Variants in KIF21A observed in about 807,000 individuals in gnomAD.
KIF21A encodes the protein kinesin family member 21A.
A neutral mutation model predicts 202.9 loss-of-function variants in KIF21A; 114 were observed. That is an observed-to-expected ratio of 0.56 (90% confidence interval 0.48 to 0.66). KIF21A has a LOEUF of 0.66. KIF21A is among the 30% of genes least tolerant of loss of function. The pLI, the probability that KIF21A is intolerant of heterozygous loss-of-function variation, is 0.00. For missense variants in KIF21A, 1,677 were observed against 1,994.9 expected (o/e 0.84, Z 3.04); for synonymous variants, 667 against 670.8 (o/e 0.99, Z 0.09).
At chr12:39,373,307 T>A (rs958101432) in intron 1 of KIF21A, among the ~76,000 whole-genome samples, 4 of 152,116 alleles carry the variant, frequency 2.6e-5, no homozygotes, top group African/African-American at 9.7e-5. Flanking sequence ...CTTACATTAT[T>A]CCCTTTTCCT....
chr12:39,440,474 T>G (rs1939411862), intron 1 of KIF21A, among the ~76,000 whole-genome samples: 1 of 152,176 alleles, frequency 6.6e-6, no homozygotes, highest in Non-Finnish European at 1.5e-5. Context: ...AATAAGACTT[T>G]ACATGAGATA....
At chr12:39,360,151 T>C (rs751010879) in intron 7 of KIF21A, among the ~76,000 whole-genome samples, 41 of 151,844 alleles carry the variant, frequency 2.7e-4, no homozygotes, top group Non-Finnish European at 5.3e-4. Flanking sequence ...AAACCCAAAA[T>C]ATATAAATTT....
intron 1 of KIF21A, among the ~76,000 whole-genome samples, chr12:39,381,322 A>AC (rs1356668138): frequency 2.0e-5 from 3 of 151,858 alleles, no homozygotes; most frequent in African/African-American, 7.3e-5. Context: ...AAAAAAAAAA[A>AC]AAACTATTTC....
At chr12:39,314,154 G>A (rs1944293273) in intron 31 of KIF21A, among the ~76,000 whole-genome samples, 2 of 151,782 alleles carry the variant, frequency 1.3e-5, no homozygotes, top group Admixed American at 1.3e-4. Context: ...TATTTTTAGA[G>A]TCTGGTTATA....
At chr12:39,342,267 T>C (rs1190535454) in intron 12 of KIF21A, 143 bp from the exon 13 acceptor site, 2 of 672,576 alleles carry the variant, frequency 3.0e-6, no homozygotes, top group Non-Finnish European at 5.3e-6. Context: ...AGCTATTCTA[T>C]CTGATGCTTC....
chr12:39,348,762 AACTC>A (rs1948115501), intron 11 of KIF21A, among the ~76,000 whole-genome samples: 1 of 151,984 alleles, frequency 6.6e-6, no homozygotes, highest in African/African-American at 2.4e-5. Context: ...AGGTTTTAGA[AACTC>A]ACAGCCACAA....
At chr12:39,436,117 G>C (rs191684053) in intron 1 of KIF21A, among the ~76,000 whole-genome samples, 5 of 152,090 alleles carry the variant, frequency 3.3e-5, no homozygotes, top group Non-Finnish European at 5.9e-5. Context: ...GACAGTGAGC[G>C]ACCTTATCTA....
At chr12:39,326,416 A>G (rs777438518) in intron 24 of KIF21A, 92 bp from the exon 25 acceptor site, 1 of 818,490 alleles carries the variant, frequency 1.2e-6, no homozygotes, top group South Asian at 1.4e-5. Context: ...CAACAGCTCA[A>G]CATCTCAATA....
chr12:39,360,255 T>A (rs1324584554), intron 7 of KIF21A, among the ~76,000 whole-genome samples: 5 of 152,118 alleles, frequency 3.3e-5, no homozygotes, highest in Admixed American at 3.3e-4. Flanking sequence ...AAGCACACAA[T>A]TCTGCTTTAA....
chr12:39,382,519 G>A (rs764931837), intron 1 of KIF21A, among the ~76,000 whole-genome samples: 8 of 151,896 alleles, frequency 5.3e-5, no homozygotes, highest in Admixed American at 1.3e-4. Flanking sequence ...TAATTTCTCC[G>A]GTCAACATGA....
intron 1 of KIF21A, among the ~76,000 whole-genome samples, chr12:39,427,588 T>C (rs1005257418): frequency 6.6e-6 from 1 of 152,234 alleles, no homozygotes; most frequent in African/African-American, 2.4e-5. Context: ...AATTATGCAA[T>C]GTGCAAATAA....
chr12:39,443,052 A>T lies in KIF21A; in HGVS notation c.-82T>A. ...CACTGGGGCCGCGGGACTCGGGCGC[A>T]GTAGGCTGGGGCGTCTGCGGGCGGG... On this transcript the variant is annotated 5_prime_UTR_variant, in exon 1 of 38. Transcript: ENST00000361418. 1 of 1,434,708 alleles carries T rather than the reference A, an allele frequency of 7.0e-7. No homozygotes were observed. The highest frequency in any genetic ancestry group is 9.2e-7 in the Non-Finnish European group (1 of 1,085,526). 88.9% of individuals were successfully genotyped at this position (1,434,708 alleles called of 1,614,324 possible).
chr12:39,390,760 A>T (rs1951290100), intron 1 of KIF21A, among the ~76,000 whole-genome samples: 1 of 152,198 alleles, frequency 6.6e-6, no homozygotes, highest in African/African-American at 2.4e-5. Context: ...AAAAAACAAC[A>T]ATATATGTCA....
intron 36 of KIF21A, 146 bp from the exon 37 acceptor site, chr12:39,301,825 T>C (rs1942987994): frequency 1.4e-6 from 1 of 717,788 alleles, no homozygotes; most frequent in African/African-American, 1.8e-5. Flanking sequence ...CAATCACTCT[T>C]AGTGATTTAA....
At chr12:39,380,796 T>G (rs1420802869) in intron 1 of KIF21A, among the ~76,000 whole-genome samples, 1 of 152,070 alleles carries the variant, frequency 6.6e-6, no homozygotes, top group Non-Finnish European at 1.5e-5. Context: ...AAAGGGAAAA[T>G]GTAATCTCAG....
chr12:39,400,925 G>T (rs755405433), intron 1 of KIF21A, among the ~76,000 whole-genome samples: 1 of 152,144 alleles, frequency 6.6e-6, no homozygotes, highest in Non-Finnish European at 1.5e-5. Context: ...TTCTGCTCAG[G>T]TTTCACAAAG....
At chr12:39,312,084 T>TA (rs1433001019) in intron 31 of KIF21A, 1 of 152,996 alleles carries the variant, frequency 6.5e-6, no homozygotes, top group Non-Finnish European at 1.5e-5. Flanking sequence ...ATCAAAAACT[T>TA]AAAGAACTGA....
At chr12:39,378,235 T>G (rs983165229) in intron 1 of KIF21A, among the ~76,000 whole-genome samples, 3 of 152,166 alleles carry the variant, frequency 2.0e-5, no homozygotes, top group Non-Finnish European at 4.4e-5. Context: ...TATCCCACGG[T>G]TCATCTAAGG....
chr12:39,437,137 G>A (rs761250909), intron 1 of KIF21A, among the ~76,000 whole-genome samples: 12 of 152,120 alleles, frequency 7.9e-5, no homozygotes, highest in Non-Finnish European at 1.2e-4. Context: ...GATGAGAATT[G>A]GAAGATTGGG....
Sources: gnomAD v4.1 joint callset for allele counts (sites outside exome capture counted in the v4.1 genomes callset) on GRCh38, gnomAD v4.1.1 for gene constraint, MANE v1.5 for transcripts, NCBI Gene and HGNC (gene_info 2026-07-23, HGNC 2026-07-21) for gene names.